Variants in BEND7 observed in about 807,000 individuals in gnomAD.
The protein encoded by BEND7 is BEN domain containing 7.
In BEND7, 28 loss-of-function variants were observed where a neutral mutation model predicts 50.9. That is an observed-to-expected ratio of 0.55 (90% CI 0.41 to 0.75). The LOEUF (loss-of-function observed/expected upper bound fraction) is 0.75, where lower values mean the gene tolerates loss of function less well. BEND7 is among the 30% of genes least tolerant of loss of function. BEND7 has a pLI of 0.00. For missense variants in BEND7, 477 were observed against 491.3 expected (o/e 0.97, Z 0.28); for synonymous variants, 170 against 183.9 (o/e 0.92, Z 0.61).
Position 13,528,496 on chromosome 10 carries a change from T to C in BEND7, c.38A>G (p.Gln13Arg), listed in dbSNP as rs774786663. ...ACCTCGGCTCACCAGTTTGAAGCTC[T>C]GGGATTTCCTGCTTCTTTTCCTCTC... is the stretch of plus-strand genomic sequence containing the variant. ...FSERKRSRKS[Q>R]SFKLVSRDYH... The change falls in exon 1 of 9, where the codon CAG becomes CGG. Residue 13 changes from glutamine to arginine, a missense_variant. By Grantham distance (43) the Gln-to-Arg change is conservative. This residue lies in a region of BEND7 where 396 missense variants were observed against 384.2 expected (regional missense o/e 1.03). Transcript: ENST00000466271. The C allele has an allele frequency of 3.8e-5, 40 of 1,040,452 alleles. No individual in the cohort carries two copies. In the African/African-American group the frequency reaches 6.6e-4, roughly 17 times the overall value. The allele number at this position is 1,040,452 out of a possible 1,614,324, so 64.5% of individuals were successfully genotyped here.
At chr10:13,518,783 C>G (rs1024482716) in intron 2 of BEND7, among the ~76,000 whole-genome samples, 1 of 152,182 alleles carries the variant, frequency 6.6e-6, no homozygotes, top group Non-Finnish European at 1.5e-5. Flanking sequence ...CTAAATGTCT[C>G]TAAAATCTCA....
rs1247298123 is a variant in BEND7 at position 13,479,356 on chromosome 10, T to C, written c.1063+1543A>G. 2.6e-5 allele frequency among the ~76,000 whole-genome samples: 4 copies of C among 151,584 alleles called. No individual in the cohort carries two copies. In the East Asian group the frequency reaches 5.8e-4, roughly 22 times the overall value. On this transcript the variant is annotated intron_variant, in intron 6 of 8. Coordinates refer to ENST00000466271, the MANE Select transcript of BEND7 (RefSeq NM_001369863.1). Reference sequence around the variant, plus strand: ...TTGCATGTCTAGTGTAGATGGAAAATGGCAGAAGAAACCCACATCGATCCA... The same window carrying C: ...TTGCATGTCTAGTGTAGATGGAAAACGGCAGAAGAAACCCACATCGATCCA...
chr10:13,462,615 A>AC (rs1354201746), intron 6 of BEND7, among the ~76,000 whole-genome samples: 1 of 152,198 alleles, frequency 6.6e-6, no homozygotes, highest in African/African-American at 2.4e-5. Context: ...CTGGAGAATA[A>AC]CCCAGAGTGT....
Position 13,448,928 on chromosome 10 carries a change from G to A in BEND7, c.1184-1612C>T, listed in dbSNP as rs547564305. On this transcript the variant is annotated intron_variant, in intron 7 of 8. Transcript: ENST00000466271. ...AGGCGGAGCTTGGTGAGCCGAGATC[G>A]CGCCACTGCACTCCAGCCTGGGCGA... Among the ~76,000 whole-genome samples the A allele has an allele frequency of 8.1e-5, 12 of 148,612 alleles. No homozygotes were observed. The South Asian group carries it at 2.4e-3, about 29-fold the overall frequency.
chr10:13,453,631 A>G (rs1564516265), intron 6 of BEND7, among the ~76,000 whole-genome samples: 1 of 152,224 alleles, frequency 6.6e-6, no homozygotes, highest in African/African-American at 2.4e-5. Context: ...GCTCATTCAA[A>G]TAAAAGAGTA....
At chr10:13,505,030 A>G (rs763133839) in intron 2 of BEND7, among the ~76,000 whole-genome samples, 9 of 152,406 alleles carry the variant, frequency 5.9e-5, no homozygotes, top group Non-Finnish European at 1.0e-4. Context: ...GATTATTCAC[A>G]GGTAATCACG....
At chr10:13,442,817 G>C (rs1334301964) in intron 8 of BEND7, 6 of 152,088 alleles carry the variant, frequency 3.9e-5, no homozygotes, top group Non-Finnish European at 5.9e-5. Context: ...GTTACAAATG[G>C]CTATTTGGGG....
In BEND7 at chr10:13,500,024, C is replaced by T. The variant is rs780291533; in HGVS notation, c.202G>A (p.Asp68Asn). The change falls in exon 3 of 9, where the codon GAC (aspartate) becomes AAC (asparagine). Residue 68 changes from aspartate to asparagine, a missense_variant. Asp to Asn is a conservative substitution (Grantham distance 23). Around this residue, in one of 3 missense-constraint regions of BEND7, gnomAD observed 396 missense variants for 384.2 expected, o/e 1.03. Transcript: ENST00000466271. ...QITGMRRLLN[D>N]STGRIYQRVG... ...CGCTGATAGATCCGCCCAGTGCTGT[C>T]GTTCAGCAATCTTCTCATCCCTGTA... The T allele has an allele frequency of 9.9e-6, 16 of 1,613,032 alleles. No homozygotes were observed. Among genetic ancestry groups the T allele is most frequent in the East Asian group, 2.2e-5 (1 of 44,864 alleles).
chr10:13,505,930 C>T (rs931520995), intron 2 of BEND7, among the ~76,000 whole-genome samples: 3 of 152,066 alleles, frequency 2.0e-5, no homozygotes, highest in Non-Finnish European at 4.4e-5. Flanking sequence ...GTCCAGAACG[C>T]AACACTAAGA....
At chr10:13,502,324 G>C (rs1332685789) in intron 2 of BEND7, among the ~76,000 whole-genome samples, 2 of 152,098 alleles carry the variant, frequency 1.3e-5, no homozygotes, top group African/African-American at 4.8e-5. Context: ...GAACATGAGT[G>C]AACACGGAAA....
chr10:13,516,261 C>T (rs537285056), intron 2 of BEND7, among the ~76,000 whole-genome samples: 16 of 152,252 alleles, frequency 1.1e-4, no homozygotes, highest in South Asian at 4.1e-4. Flanking sequence ...GCAAAGAGGC[C>T]GGCAGAGCAC....
chr10:13,439,179 G>C (rs781553598), downstream of BEND7: 1 of 1,610,226 alleles, frequency 6.2e-7, no homozygotes, highest in South Asian at 1.1e-5. Flanking sequence ...ATTTCAGAGA[G>C]AGAGGCAAGA....
At chr10:13,489,032 G>A (rs539428453) in intron 5 of BEND7, among the ~76,000 whole-genome samples, 17 of 152,204 alleles carry the variant, frequency 1.1e-4, no homozygotes, top group African/African-American at 3.6e-4. Context: ...AGAATGCTAA[G>A]GTTAAAAAAA....
At chr10:13,502,649 G>A (rs910948940) in intron 2 of BEND7, among the ~76,000 whole-genome samples, 10 of 152,132 alleles carry the variant, frequency 6.6e-5, no homozygotes, top group Non-Finnish European at 1.3e-4. Flanking sequence ...AGACACATAC[G>A]TTCCCGGCTA....
At chr10:13,465,580 T>G (rs2074162205) in intron 6 of BEND7, among the ~76,000 whole-genome samples, 1 of 152,236 alleles carries the variant, frequency 6.6e-6, no homozygotes, top group Admixed American at 6.5e-5. Flanking sequence ...CAAGCCATAT[T>G]TATCTGGTTC....
intron 2 of BEND7, among the ~76,000 whole-genome samples, chr10:13,524,592 C>A (rs529394140): frequency 7.0e-6 from 1 of 142,472 alleles, no homozygotes; most frequent in African/African-American, 2.6e-5. Context: ...TGCAGTGAGC[C>A]GAGATCATGC....
At chr10:13,515,862 A>C (rs1261241978) in intron 2 of BEND7, among the ~76,000 whole-genome samples, 2 of 152,238 alleles carry the variant, frequency 1.3e-5, no homozygotes, top group Non-Finnish European at 2.9e-5. Context: ...GCTGTAGCTT[A>C]CATTCATAGA....
intron 6 of BEND7, among the ~76,000 whole-genome samples, chr10:13,461,499 G>A (rs776693211): frequency 2.0e-5 from 3 of 152,198 alleles, no homozygotes; most frequent in East Asian, 1.9e-4. Context: ...TTGGGAGGCC[G>A]CGGCGGGCAG....
At chr10:13,474,770 C>T (rs1463674557) in intron 6 of BEND7, among the ~76,000 whole-genome samples, 3 of 152,238 alleles carry the variant, frequency 2.0e-5, no homozygotes, top group African/African-American at 7.2e-5. Flanking sequence ...GGTTGATACC[C>T]ATCATCAGTG....
Sources: gnomAD v4.1 joint callset for allele counts (sites outside exome capture counted in the v4.1 genomes callset) on GRCh38, gnomAD v4.1.1 for gene constraint, gnomAD v4.1.1 regional missense constraint, MANE v1.5 for transcripts, NCBI Gene and HGNC (gene_info 2026-07-23, HGNC 2026-07-21) for gene names.